Variants in SMS observed in about 807,000 individuals in gnomAD.
SMS encodes spermidine aminopropyltransferase.
A neutral mutation model predicts 33.0 loss-of-function variants in SMS; 3 were observed. That is an observed-to-expected ratio of 0.09 (90% CI 0.04 to 0.23). The LOEUF (loss-of-function observed/expected upper bound fraction) is 0.23. SMS is among the 10% of genes least tolerant of loss of function. The pLI is 1.00. For missense variants in SMS, 117 were observed against 288.6 expected, an observed-to-expected ratio of 0.41 and a Z score of 4.31; for synonymous variants, 103 against 112.2, an observed-to-expected ratio of 0.92 and a Z score of 0.52.
chrX:21,948,577 C>G (rs1298028343), intron 1 of SMS, among the ~76,000 whole-genome samples: 1 of 109,840 alleles, frequency 9.1e-6, no homozygotes, highest in Non-Finnish European at 1.9e-5. Context: ...GCTACCTTCT[C>G]AGGAGATAAA....
At chrX:21,953,785 G>GT (rs1457751680) in intron 1 of SMS, among the ~76,000 whole-genome samples, 12 of 110,258 alleles carry the variant, frequency 1.1e-4, no homozygotes, top group Non-Finnish European at 9.5e-5. Context: ...TGGCAATCTG[G>GT]TTTTTTTTCT....
intron 2 of SMS, among the ~76,000 whole-genome samples, chrX:21,968,503 A>C (rs1460094622): frequency 9.0e-6 from 1 of 111,624 alleles, no homozygotes; most frequent in Non-Finnish European, 1.9e-5. Context: ...AGAGTTCTTG[A>C]AGCAATAAGT....
intron 1 of SMS, among the ~76,000 whole-genome samples, chrX:21,955,519 T>C (rs1325972107): frequency 8.9e-6 from 1 of 112,206 alleles, no homozygotes. Context: ...AGTCATCTCC[T>C]GTTCCCTGAC....
intron 2 of SMS, 103 bp downstream of exon 2, chrX:21,967,419 T>C: frequency 3.3e-6 from 3 of 904,321 alleles, no homozygotes; most frequent in Non-Finnish European, 4.8e-6. Flanking sequence ...TTTTCTCCTT[T>C]GACATCTTTT....
intron 1 of SMS, among the ~76,000 whole-genome samples, chrX:21,959,476 T>C (rs1409135777): frequency 9.0e-6 from 1 of 111,700 alleles, no homozygotes; most frequent in Non-Finnish European, 1.9e-5. Context: ...CTCTTTGTCA[T>C]TCTTTTCAGA....
intron 1 of SMS, among the ~76,000 whole-genome samples, chrX:21,945,634 T>TCCCCCCCCCCCCCCCCCCCCCCC (rs376720187): frequency 8.8e-5 from 3 of 34,142 alleles, no homozygotes; most frequent in African/African-American, 1.8e-4. Context: ...TTGCTTCCCG[T>TCCCCCCCCCCCCCCCCCCCCCCC]CCCCCCCCCC....
chrX:21,954,746 C>T (rs1240125419), intron 1 of SMS, among the ~76,000 whole-genome samples: 2 of 111,994 alleles, frequency 1.8e-5, no homozygotes, highest in Non-Finnish European at 3.8e-5. Context: ...TTTTTGACAT[C>T]ACACAATTCC....
chrX:21,979,343 A>C (rs971463187), intron 7 of SMS, among the ~76,000 whole-genome samples: 1 of 109,940 alleles, frequency 9.1e-6, no homozygotes, highest in African/African-American at 3.3e-5. Flanking sequence ...TCCTAATGCT[A>C]TCCTTCCCCT....
At chrX:21,972,447 T>C (rs775426667) in intron 3 of SMS, 60 bp from the exon 4 acceptor site, 20 of 783,297 alleles carry the variant, frequency 2.6e-5, no homozygotes, top group Non-Finnish European at 3.5e-5. Context: ...GTTGGGTCTG[T>C]AATTTAGTTC....
intron 6 of SMS, 92 bp downstream of exon 6, chrX:21,978,206 C>A: frequency 2.2e-6 from 2 of 896,096 alleles, no homozygotes; most frequent in Non-Finnish European, 3.3e-6. Context: ...TTACCACAGA[C>A]TAGAGGCAAA....
Position 21,943,918 on chromosome X carries a change from A to C in SMS, c.49+3045A>C, listed in dbSNP as rs192615691. On this transcript the variant is annotated intron_variant, in intron 1 of 10. Coordinates refer to ENST00000404933, the MANE Select transcript of SMS (RefSeq NM_004595.5). Reference sequence around the variant, plus strand: ...TGAGTCAAAAGGCATTACTCTTGGCATGTGAATATTGGATGTGACTCAAGG... The same window carrying C: ...TGAGTCAAAAGGCATTACTCTTGGCCTGTGAATATTGGATGTGACTCAAGG... 2.7e-5 allele frequency among the ~76,000 whole-genome samples: 3 copies of C among 111,923 alleles called. No individual in the cohort carries two copies. The East Asian group carries it at 8.5e-4, about 32-fold the overall frequency.
rs946984544 is a variant in SMS at position 21,984,520 on chromosome X, A to G, written c.865+102A>G. 2.2e-5 allele frequency: 13 copies of G among 592,228 alleles called. No homozygotes were observed. In the Admixed American group the frequency reaches 2.8e-4, roughly 13 times the overall value. 48.8% of individuals were successfully genotyped at this position (592,228 alleles called of 1,213,427 possible). The stretch of plus-strand genomic sequence containing the variant: ...ATTGTGTAGTTCTCTCACGTTTTTG[A>G]AAAAGGGAGTTAAATTGAGGTCCAT... On this transcript the variant is annotated intron_variant, in intron 8 of 10. Transcript: ENST00000404933.
rs951150276 is a variant in SMS at position 21,961,120 on chromosome X, G to C, written c.50-6076G>C. 1.0e-4 allele frequency among the ~76,000 whole-genome samples: 10 copies of C among 96,930 alleles called. 1 individual carries two copies. The highest frequency in any genetic ancestry group is 3.9e-4 in the African/African-American group (10 of 25,462). 84.2% of individuals were successfully genotyped at this position (96,930 alleles called of 115,157 possible). On this transcript the variant is annotated intron_variant, in intron 1 of 10. Transcript: ENST00000404933. ...TGGCCTAGTAAGGTTGGCTAGTACA[G>C]CTAATCTACTTTATGCACATGGGGC...
chrX:21,941,735 A>G (rs1221516328), intron 1 of SMS, among the ~76,000 whole-genome samples: 1 of 106,492 alleles, frequency 9.4e-6, no homozygotes, highest in Non-Finnish European at 1.9e-5. Context: ...AAATACAAAA[A>G]TTAGCCGGGC....
intron 7 of SMS, 81 bp from the exon 8 acceptor site, chrX:21,984,223 T>C: frequency 1.5e-6 from 1 of 682,741 alleles, no homozygotes. Flanking sequence ...TGGCGCTTTT[T>C]TCCTCCTTCC....
At chrX:21,941,370 A>G (rs1451564552) in intron 1 of SMS, 5 of 238,333 alleles carry the variant, frequency 2.1e-5, no homozygotes, top group Non-Finnish European at 3.9e-5. Flanking sequence ...GCAGGCGGGT[A>G]AATTTCCCTC....
chrX:21,972,996 A>G (rs1302355495), intron 4 of SMS, among the ~76,000 whole-genome samples: 1 of 110,857 alleles, frequency 9.0e-6, no homozygotes, highest in Non-Finnish European at 1.9e-5. Flanking sequence ...GAAAAGATCA[A>G]ACTCAGCACC....
chrX:21,970,690 T>TC (rs1471389216), intron 2 of SMS, among the ~76,000 whole-genome samples: 1 of 108,466 alleles, frequency 9.2e-6, no homozygotes, highest in East Asian at 2.9e-4. Flanking sequence ...TGCCTCATCC[T>TC]CCCAAGTAGC....
chrX:21,966,157 A>G (rs767821335), intron 1 of SMS, among the ~76,000 whole-genome samples: 3 of 112,183 alleles, frequency 2.7e-5, no homozygotes, highest in Non-Finnish European at 3.8e-5. Flanking sequence ...CAGAAATTCT[A>G]ATGTAATTTT....
Sources: gnomAD v4.1 joint callset for allele counts (sites outside exome capture counted in the v4.1 genomes callset) on GRCh38, gnomAD v4.1.1 for gene constraint, MANE v1.5 for transcripts, NCBI Gene and HGNC (gene_info 2026-07-23, HGNC 2026-07-21) for gene names.